Variants in NXPE2 observed in about 807,000 individuals in gnomAD.
The protein encoded by NXPE2 is NXPE family member 2.
Under a neutral mutation model 34.4 loss-of-function variants are expected in NXPE2, and 34 were observed. The observed-to-expected ratio is 0.99, with a 90% confidence interval of 0.75 to 1.31. The LOEUF (loss-of-function observed/expected upper bound fraction) is 1.31. Ranked by LOEUF, NXPE2 falls within the 40% of genes most tolerant of loss-of-function variation. The pLI, the probability that NXPE2 is intolerant of heterozygous loss-of-function variation, is 0.00. For missense variants in NXPE2, 649 were observed against 672.5 expected, an observed-to-expected ratio of 0.97 and a Z score of 0.39; for synonymous variants, 235 against 231.3, an observed-to-expected ratio of 1.02 and a Z score of -0.15.
chr11:114,551,450 GA>G, the NXPE2 span: 1 of 1,235,954 alleles, frequency 8.1e-7, no homozygotes, highest in Non-Finnish European at 1.0e-6. Context: ...CCCTGAAATG[GA>G]AGTCAAAGTC....
chr11:114,478,087 C>T, the NXPE2 span, among the ~76,000 whole-genome samples: 19,129 of 151,144 alleles, frequency 0.13, 1,363 homozygotes, highest in South Asian at 0.23. Context: ...ACCCCAAGTA[C>T]GAAAGAGGTT....
the NXPE2 span, among the ~76,000 whole-genome samples, chr11:114,810,063 CA>C: frequency 1.3e-5 from 2 of 150,570 alleles, no homozygotes; most frequent in Non-Finnish European, 3.0e-5. Flanking sequence ...TGATCTTTGA[CA>C]AACCTGACAA....
At chr11:114,678,522 G>A, upstream of NXPE2, 6 of 1,401,370 alleles carry the variant, frequency 4.3e-6, no homozygotes, top group Non-Finnish European at 5.9e-6. Flanking sequence ...TGCAAAGACT[G>A]CTTTAATCAA....
In NXPE2 at chr11:114,688,660, G is replaced by A. The variant is rs183523682; in HGVS notation, c.132+8898G>A. On this transcript the variant is annotated intron_variant, in intron 2 of 5. Coordinates refer to ENST00000389586, the MANE Select transcript of NXPE2 (RefSeq NM_182495.6). Reference sequence around the variant, plus strand: ...TTTTTGGAATAGTTTCAGTAGGATTGGTACCACTCTTCTTTGTATGTCTGG... The same window carrying A: ...TTTTTGGAATAGTTTCAGTAGGATTAGTACCACTCTTCTTTGTATGTCTGG... Among the ~76,000 whole-genome samples, 830 of 152,128 alleles carry A rather than the reference G, an allele frequency of 5.5e-3. 11 individuals are homozygous for A. The highest frequency in any genetic ancestry group is 0.048 in the Middle Eastern group (14 of 294).
chr11:114,624,477 T>A, the NXPE2 span, among the ~76,000 whole-genome samples: 1 of 152,204 alleles, frequency 6.6e-6, no homozygotes, highest in Admixed American at 6.5e-5. Flanking sequence ...GGATAATAAG[T>A]ATTGCCCATG....
At chr11:114,733,840 C>G in the NXPE2 span, among the ~76,000 whole-genome samples, 1 of 152,206 alleles carries the variant, frequency 6.6e-6, no homozygotes, top group African/African-American at 2.4e-5. Context: ...GGCACCTTTC[C>G]TAAGAGTCCT....
the NXPE2 span, chr11:114,571,107 T>C: frequency 7.4e-6 from 12 of 1,613,882 alleles, no homozygotes; most frequent in East Asian, 2.5e-4. Flanking sequence ...ACCATGAAAG[T>C]CACTAAATCT....
At chr11:114,575,727 C>G in the NXPE2 span, among the ~76,000 whole-genome samples, 1 of 152,182 alleles carries the variant, frequency 6.6e-6, no homozygotes, top group African/African-American at 2.4e-5. Context: ...AAACACATCA[C>G]ATGCTCATGG....
chr11:114,597,707 G>A, the NXPE2 span, among the ~76,000 whole-genome samples: 90 of 152,092 alleles, frequency 5.9e-4, no homozygotes, highest in Non-Finnish European at 9.3e-4. Flanking sequence ...AATGAGCCTG[G>A]AGCATCTCGG....
the NXPE2 span, among the ~76,000 whole-genome samples, chr11:114,480,131 C>T: frequency 1.3e-5 from 2 of 152,110 alleles, no homozygotes; most frequent in Non-Finnish European, 2.9e-5. Context: ...CACATTTCAA[C>T]ATGAAATTTG....
chr11:114,676,727 C>T (rs1950862031), upstream of NXPE2, among the ~76,000 whole-genome samples: 1 of 151,972 alleles, frequency 6.6e-6, no homozygotes, highest in Admixed American at 6.6e-5. Context: ...AATGGAAATA[C>T]TGTATGATCC....
chr11:114,560,347 T>C, the NXPE2 span, among the ~76,000 whole-genome samples: 1 of 150,302 alleles, frequency 6.7e-6, no homozygotes, highest in African/African-American at 2.4e-5. Flanking sequence ...CATAGCTCAC[T>C]GCAACCTCGA....
the NXPE2 span, chr11:114,554,365 C>T: frequency 1.0e-6 from 1 of 985,248 alleles, no homozygotes; most frequent in Non-Finnish European, 1.2e-6. Flanking sequence ...GAGGGGGCAG[C>T]AGCCTAGCTT....
chr11:114,641,292 A>AG, the NXPE2 span, among the ~76,000 whole-genome samples: 1 of 152,058 alleles, frequency 6.6e-6, no homozygotes, highest in Non-Finnish European at 1.5e-5. Flanking sequence ...AATTCCAGAA[A>AG]GGTAGTGTAA....
the NXPE2 span, among the ~76,000 whole-genome samples, chr11:114,617,904 C>T: frequency 6.6e-6 from 1 of 152,054 alleles, no homozygotes; most frequent in Non-Finnish European, 1.5e-5. Flanking sequence ...ATAAGTATTG[C>T]CTCATGGGTA....
At chr11:114,766,429 G>A in the NXPE2 span, among the ~76,000 whole-genome samples, 1 of 152,110 alleles carries the variant, frequency 6.6e-6, no homozygotes, top group African/African-American at 2.4e-5. Context: ...CAGCCTTCCA[G>A]GTAAGCCATC....
the NXPE2 span, among the ~76,000 whole-genome samples, chr11:114,663,626 T>TATC: frequency 0.017 from 969 of 55,648 alleles, 6 homozygotes; most frequent in East Asian, 0.031. Context: ...TCTATCTATC[T>TATC]ATCTATCTAT....
the NXPE2 span, among the ~76,000 whole-genome samples, chr11:114,498,852 G>A: frequency 6.6e-6 from 1 of 151,830 alleles, no homozygotes; most frequent in Non-Finnish European, 1.5e-5. Context: ...TTCCTTTTTT[G>A]TGCTGTATTT....
chr11:114,543,253 G>A, the NXPE2 span, among the ~76,000 whole-genome samples: 1 of 152,094 alleles, frequency 6.6e-6, no homozygotes, highest in Admixed American at 6.5e-5. Flanking sequence ...CTACTCAGGA[G>A]GCTGAGGCAG....
Sources: gnomAD v4.1 joint callset for allele counts (sites outside exome capture counted in the v4.1 genomes callset) on GRCh38, gnomAD v4.1.1 for gene constraint, MANE v1.5 for transcripts, NCBI Gene and HGNC (gene_info 2026-07-23, HGNC 2026-07-21) for gene names.